The following SV2C variants were observed in gnomAD, a reference collection of about 807,000 sequenced individuals.
SV2C encodes solute carrier family 22 member B3.
Under a neutral mutation model 79.7 loss-of-function variants are expected in SV2C, and 49 were observed. That is an observed-to-expected ratio of 0.61 (90% CI 0.49 to 0.78). SV2C has a LOEUF of 0.78. Among genes scored for constraint, SV2C ranks in the 30% least tolerant of loss-of-function variants. The pLI is 0.00. For missense variants in SV2C, 833 were observed against 912.9 expected (o/e 0.91, Z 1.13); for synonymous variants, 334 against 333.2 (o/e 1.00, Z -0.03).
the SV2C span, among the ~76,000 whole-genome samples, chr5:76,042,130 C>T: frequency 6.6e-6 from 1 of 152,328 alleles, no homozygotes; most frequent in South Asian, 2.1e-4. Context: ...TAGCAGTCTT[C>T]ACTACAAGTC....
chr5:76,078,294 A>G, the SV2C span, among the ~76,000 whole-genome samples: 1,780 of 152,294 alleles, frequency 0.012, 40 homozygotes, highest in African/African-American at 0.041. Context: ...TTCCATGAGA[A>G]TAGAAAGGTG....
At chr5:76,115,720 C>G (rs1748243614) in intron 1 of SV2C, among the ~76,000 whole-genome samples, 1 of 152,180 alleles carries the variant, frequency 6.6e-6, no homozygotes, top group South Asian at 2.1e-4. Context: ...AAAAGAACTT[C>G]TTGTTTTTTG....
intron 2 of SV2C, among the ~76,000 whole-genome samples, chr5:76,168,815 C>T (rs548827928): frequency 1.3e-4 from 20 of 152,260 alleles, no homozygotes; most frequent in South Asian, 4.1e-4. Flanking sequence ...GCAGTGCCAG[C>T]GACACTTTTA....
intron 1 of SV2C, among the ~76,000 whole-genome samples, chr5:76,114,162 C>A (rs902885289): frequency 4.6e-5 from 7 of 152,048 alleles, no homozygotes; most frequent in African/African-American, 1.7e-4. Context: ...TACAGAGCAC[C>A]GGTGGAGATG....
chr5:76,243,012 TAAAAAAAAAAAA>T (rs559052290), intron 4 of SV2C, among the ~76,000 whole-genome samples: 23 of 49,926 alleles, frequency 4.6e-4, no homozygotes, highest in East Asian at 1.3e-3. Flanking sequence ...AGACCCCATC[TAAAAAAAAAAAA>T]AAAAAAAAAA....
chr5:76,039,007 G>A, the SV2C span, among the ~76,000 whole-genome samples: 2 of 152,150 alleles, frequency 1.3e-5, no homozygotes, highest in Non-Finnish European at 2.9e-5. Flanking sequence ...TTCCAATTTG[G>A]ATGTTTCTAA....
chr5:76,112,890 G>A (rs1748137159), intron 1 of SV2C, among the ~76,000 whole-genome samples: 2 of 152,170 alleles, frequency 1.3e-5, no homozygotes, highest in Non-Finnish European at 2.9e-5. Flanking sequence ...GGATAACAAT[G>A]TCAGGGAGAT....
chr5:75,995,685 T>C, the SV2C span, among the ~76,000 whole-genome samples: 1 of 152,122 alleles, frequency 6.6e-6, no homozygotes, highest in African/African-American at 2.4e-5. Flanking sequence ...TCGATCTAAG[T>C]ATTTTCTTAG....
At chr5:76,300,641 T>A (rs2112523300) in intron 10 of SV2C, 88 bp from the exon 11 acceptor site, 2 of 1,383,432 alleles carry the variant, frequency 1.4e-6, no homozygotes, top group Admixed American at 1.8e-5. Flanking sequence ...ACAATACTGG[T>A]TTCCTCTCCG....
At chr5:75,883,347 A>G in the SV2C span, among the ~76,000 whole-genome samples, 8,728 of 133,798 alleles carry the variant, frequency 0.065, 343 homozygotes, top group African/African-American at 0.12. Context: ...CTGGGTATAT[A>G]CCCAAAGGAC....
intron 4 of SV2C, among the ~76,000 whole-genome samples, chr5:76,251,408 T>C (rs1023742603): frequency 6.6e-6 from 1 of 151,958 alleles, no homozygotes; most frequent in Non-Finnish European, 1.5e-5. Context: ...AATAATTAGC[T>C]GGGGGTGGCA....
chr5:76,015,579 A>G, the SV2C span, among the ~76,000 whole-genome samples: 3 of 152,110 alleles, frequency 2.0e-5, no homozygotes, highest in Non-Finnish European at 4.4e-5. Flanking sequence ...AATATATTAT[A>G]TATTTATGAA....
At chr5:75,897,888 A>C in the SV2C span, among the ~76,000 whole-genome samples, 2 of 151,892 alleles carry the variant, frequency 1.3e-5, no homozygotes, top group Admixed American at 1.3e-4. Flanking sequence ...TTGGTGTATA[A>C]GAATGCTTGT....
intron 2 of SV2C, among the ~76,000 whole-genome samples, chr5:76,181,756 C>T (rs1301791013): frequency 6.6e-6 from 1 of 152,200 alleles, no homozygotes; most frequent in African/African-American, 2.4e-5. Context: ...GTGGGGATTA[C>T]AATTCAACTT....
At chr5:76,111,048 A>G (rs1201014601) in intron 1 of SV2C, among the ~76,000 whole-genome samples, 2 of 152,240 alleles carry the variant, frequency 1.3e-5, no homozygotes, top group Non-Finnish European at 2.9e-5. Flanking sequence ...AAATTACTTT[A>G]TAAGTATAAA....
the SV2C span, among the ~76,000 whole-genome samples, chr5:75,954,584 G>A: frequency 6.7e-6 from 1 of 149,862 alleles, no homozygotes; most frequent in Non-Finnish European, 1.5e-5. Flanking sequence ...TATTCAATTA[G>A]GAAAAGAGGA....
At chr5:76,122,803 G>T (rs144910445) in intron 1 of SV2C, among the ~76,000 whole-genome samples, 3 of 151,724 alleles carry the variant, frequency 2.0e-5, no homozygotes, top group Non-Finnish European at 4.4e-5. Context: ...CTAACATCAC[G>T]ATTAAAAGAA....
chr5:76,346,880 G>T (rs1272971159), intron 12 of SV2C, among the ~76,000 whole-genome samples: 1 of 152,182 alleles, frequency 6.6e-6, no homozygotes, highest in East Asian at 1.9e-4. Context: ...ACAGCTTGCT[G>T]CTAGACACTG....
intron 1 of SV2C, among the ~76,000 whole-genome samples, chr5:76,101,541 A>G (rs962792894): frequency 2.6e-5 from 4 of 152,150 alleles, no homozygotes; most frequent in South Asian, 2.1e-4. Flanking sequence ...TTTACAGTCT[A>G]GAGGGGTTGA....
Sources: allele counts gnomAD v4.1 joint callset (sites outside exome capture counted in the v4.1 genomes callset), GRCh38; gene constraint gnomAD v4.1.1; transcripts MANE v1.5; gene names NCBI Gene and HGNC (gene_info 2026-07-23, HGNC 2026-07-21).